The following SPON1 variants were observed in gnomAD, a reference collection of about 807,000 sequenced individuals.
The protein encoded by SPON1 is spondin 1.
Under a neutral mutation model 111.7 loss-of-function variants are expected in SPON1, and 52 were observed. The ratio of observed to expected loss-of-function variants is 0.47; its 90% confidence interval spans 0.37 to 0.59. The LOEUF (loss-of-function observed/expected upper bound fraction) is 0.59. Ranked by LOEUF, SPON1 falls within the 20% of genes least tolerant of loss-of-function variation. The probability of loss-of-function intolerance (pLI) is 0.00; values close to 1 mark genes in which losing one functional copy is unlikely to be tolerated. For missense variants in SPON1, 957 were observed against 1,068.5 expected, an observed-to-expected ratio of 0.90 and a Z score of 1.46; for synonymous variants, 410 against 395.8, an observed-to-expected ratio of 1.04 and a Z score of -0.43.
At chr11:14,042,341 C>A (rs781793504) in intron 3 of SPON1, among the ~76,000 whole-genome samples, 2 of 151,886 alleles carry the variant, frequency 1.3e-5, no homozygotes, top group Non-Finnish European at 2.9e-5. Context: ...TACTAGATAC[C>A]CTTCTTACAG....
intron 2 of SPON1, among the ~76,000 whole-genome samples, chr11:14,015,770 C>T (rs187027936): frequency 5.3e-5 from 8 of 152,260 alleles, no homozygotes; most frequent in Admixed American, 3.9e-4. Context: ...GGCTGTTTGG[C>T]GATGTCCTTG....
intron 7 of SPON1, among the ~76,000 whole-genome samples, chr11:14,253,207 A>C (rs2133923283): frequency 6.6e-6 from 1 of 152,374 alleles, no homozygotes; most frequent in Admixed American, 6.5e-5. Flanking sequence ...GACTGGCATC[A>C]GGCTAAAATG....
chr11:14,257,573 G>T (rs183932520), intron 10 of SPON1, 143 bp from the exon 11 acceptor site: 2 of 600,190 alleles, frequency 3.3e-6, no homozygotes, highest in African/African-American at 3.8e-5. Flanking sequence ...GTGGATGGCT[G>T]CTTCCATCCC....
At chr11:14,046,684 T>C (rs782800212) in intron 3 of SPON1, among the ~76,000 whole-genome samples, 4 of 152,188 alleles carry the variant, frequency 2.6e-5, no homozygotes, top group Non-Finnish European at 5.9e-5. Context: ...GTTCAAACTG[T>C]TCATGGTCAT....
chr11:14,082,997 C>CTTT lies in SPON1; in HGVS notation c.676+2976_676+2977insTTT, dbSNP rs1554922193. 5.3e-4 allele frequency among the ~76,000 whole-genome samples: 81 copies of CTTT among 152,226 alleles called. 1 individual carries two copies. The highest frequency in any genetic ancestry group is 1.8e-3 in the African/African-American group (76 of 41,540). ...CTTAAAAAATCTTTGAGGATCCCAA[C>CTTT]ATAAGTGGTTTATATGGGTTATAGC... On this transcript the variant is annotated intron_variant, in intron 5 of 15. Transcript: ENST00000576479.
intron 3 of SPON1, among the ~76,000 whole-genome samples, chr11:14,064,741 C>A (rs1848819253): frequency 6.6e-6 from 1 of 152,114 alleles, no homozygotes; most frequent in African/African-American, 2.4e-5. Context: ...AGGTGATGAT[C>A]AGTCCCCTGG....
intron 2 of SPON1, among the ~76,000 whole-genome samples, chr11:14,033,928 G>A (rs1484851331): frequency 6.6e-6 from 1 of 152,130 alleles, no homozygotes; most frequent in East Asian, 1.9e-4. Flanking sequence ...CTCCCAAAGT[G>A]ACTTTAAACT....
intron 6 of SPON1, among the ~76,000 whole-genome samples, chr11:14,176,372 T>G (rs1253911977): frequency 4.6e-5 from 7 of 151,950 alleles, no homozygotes; most frequent in Non-Finnish European, 1.0e-4. Context: ...GATTGAGAAG[T>G]CTCCAAAGCC....
intron 2 of SPON1, among the ~76,000 whole-genome samples, chr11:14,002,943 A>G (rs1472691263): frequency 2.0e-5 from 3 of 152,142 alleles, no homozygotes; most frequent in Non-Finnish European, 2.9e-5. Context: ...CCCCACCTCG[A>G]CAGCCAAGCA....
At chr11:13,988,026 G>A (rs1554910648) in intron 2 of SPON1, among the ~76,000 whole-genome samples, 6 of 152,090 alleles carry the variant, frequency 3.9e-5, no homozygotes, top group Non-Finnish European at 1.5e-5. Context: ...GATTGTCTTG[G>A]CTATTGCGGG....
intron 6 of SPON1, among the ~76,000 whole-genome samples, chr11:14,199,997 T>G (rs1848444566): frequency 1.3e-5 from 2 of 152,130 alleles, no homozygotes; most frequent in South Asian, 4.2e-4. Flanking sequence ...GCCCCATGCG[T>G]TTTTACACAT....
At chr11:14,230,189 T>C (rs1299485373) in intron 6 of SPON1, among the ~76,000 whole-genome samples, 1 of 152,200 alleles carries the variant, frequency 6.6e-6, no homozygotes, top group African/African-American at 2.4e-5. Flanking sequence ...GGATCCTTAT[T>C]TGATACTAAT....
intron 1 of SPON1, among the ~76,000 whole-genome samples, chr11:13,964,485 C>T (rs1028494307): frequency 2.0e-5 from 3 of 152,220 alleles, no homozygotes; most frequent in Non-Finnish European, 2.9e-5. Flanking sequence ...GGCCACCCTT[C>T]TTGGAGCGCT....
At chr11:14,224,690 G>A in intron 6 of SPON1, 1 of 466,348 alleles carries the variant, frequency 2.1e-6, no homozygotes. Flanking sequence ...GCTTGGTGAT[G>A]AGGATGAAGA....
At chr11:14,108,741 A>T (rs1554925133) in intron 5 of SPON1, among the ~76,000 whole-genome samples, 1 of 152,120 alleles carries the variant, frequency 6.6e-6, no homozygotes, top group African/African-American at 2.4e-5. Flanking sequence ...ATTTTAAGTT[A>T]GTATTTGATG....
chr11:14,192,304 G>A (rs191578584), intron 6 of SPON1, among the ~76,000 whole-genome samples: 51 of 151,368 alleles, frequency 3.4e-4, no homozygotes, highest in Middle Eastern at 3.5e-3. Context: ...TCTCCTACTT[G>A]GCACTCTGCT....
At chr11:14,219,081 G>A (rs562104537) in intron 6 of SPON1, among the ~76,000 whole-genome samples, 2 of 152,262 alleles carry the variant, frequency 1.3e-5, no homozygotes, top group East Asian at 1.9e-4. Context: ...CTAGGTGGGT[G>A]TAGAAAGCCA....
chr11:14,098,195 A>G (rs897153621), intron 5 of SPON1, among the ~76,000 whole-genome samples: 1 of 152,114 alleles, frequency 6.6e-6, no homozygotes, highest in African/African-American at 2.4e-5. Context: ...ACGGGGTTTC[A>G]CCGTGTTAGC....
intron 3 of SPON1, among the ~76,000 whole-genome samples, chr11:14,043,610 C>T (rs1848647630): frequency 6.6e-6 from 1 of 152,216 alleles, no homozygotes; most frequent in Admixed American, 6.5e-5. Context: ...CCAATGGCTC[C>T]ACAGAGCCTG....
Sources: allele counts gnomAD v4.1 joint callset (sites outside exome capture counted in the v4.1 genomes callset), GRCh38; gene constraint gnomAD v4.1.1; transcripts MANE v1.5; gene names NCBI Gene and HGNC (gene_info 2026-07-23, HGNC 2026-07-21).